Variants in CD2AP observed in about 807,000 individuals in gnomAD.
CD2AP encodes the protein CD2 associated protein.
Under a neutral mutation model 85.1 loss-of-function variants are expected in CD2AP, and 46 were observed. That is an observed-to-expected ratio of 0.54 (90% CI 0.43 to 0.69). The LOEUF (loss-of-function observed/expected upper bound fraction) is 0.69, where lower values mean the gene tolerates loss of function less well. Among genes scored for constraint, CD2AP ranks in the 30% least tolerant of loss-of-function variants. The pLI is 0.00. For missense variants in CD2AP, 769 were observed against 729.5 expected (o/e 1.05, Z -0.62); for synonymous variants, 255 against 252.9 (o/e 1.01, Z -0.08).
intron 17 of CD2AP, among the ~76,000 whole-genome samples, chr6:47,619,232 C>T (rs984330178): frequency 6.6e-6 from 1 of 152,320 alleles, no homozygotes. Context: ...CCTTCCCACT[C>T]TTCAACTCAA....
chr6:47,545,109 A>G (rs1767330112), intron 4 of CD2AP: 1 of 179,866 alleles, frequency 5.6e-6, no homozygotes, highest in Admixed American at 5.7e-5. Flanking sequence ...CTATATTTTG[A>G]TATCTTAGAA....
At chr6:47,559,616 T>G (rs1435933000) in intron 5 of CD2AP, among the ~76,000 whole-genome samples, 1 of 152,172 alleles carries the variant, frequency 6.6e-6, no homozygotes, top group African/African-American at 2.4e-5. Context: ...ATGATTCTAT[T>G]AAACATAATT....
intron 8 of CD2AP, among the ~76,000 whole-genome samples, chr6:47,579,088 CT>C (rs1768391478): frequency 6.6e-6 from 1 of 152,116 alleles, no homozygotes; most frequent in Non-Finnish European, 1.5e-5. Flanking sequence ...GAAATATTTT[CT>C]TTTAGGACAG....
In CD2AP at chr6:47,625,817, AG is replaced by A. The variant is rs1769893307; in HGVS notation, c.*1594del. 6.6e-6 allele frequency: 1 copy of A among 151,810 alleles called. No homozygotes were observed. Among genetic ancestry groups the A allele is most frequent in the Admixed American group, 6.6e-5 (1 of 15,242 alleles). The allele number at this position is 151,810 out of a possible 1,614,324, so 9.4% of individuals were successfully genotyped here. The stretch of plus-strand genomic sequence containing the variant: ...TAATGTTTAATTTACAACTTACATT[AG>A]GGGTTTGGGGGAATGCTAATTATAT... On this transcript the variant is annotated 3_prime_UTR_variant, in exon 18 of 18. Coordinates refer to ENST00000359314, the MANE Select transcript of CD2AP (RefSeq NM_012120.3).
intron 13 of CD2AP, among the ~76,000 whole-genome samples, chr6:47,600,707 T>C (rs1374953153): frequency 2.6e-5 from 4 of 151,992 alleles, no homozygotes; most frequent in Non-Finnish European, 5.9e-5. Flanking sequence ...AAAAGAATCC[T>C]CATGTTTTAA....
chr6:47,624,721 G>GTGTATA lies in CD2AP; in HGVS notation c.*495_*496insGTATAT, dbSNP rs886061525. On this transcript the variant is annotated 3_prime_UTR_variant, in exon 18 of 18. Coordinates refer to ENST00000359314, the MANE Select transcript of CD2AP (RefSeq NM_012120.3). ...TGTGTGTGTGTGTGTGTGTGTGTGT[G>GTGTATA]TATATATATATATATATTTTTACTT... 13 of 120,084 alleles carry GTGTATA rather than the reference G, an allele frequency of 1.1e-4. No individual in the cohort carries two copies. The highest frequency in any genetic ancestry group is 3.9e-4 in the African/African-American group (13 of 33,250). The allele number at this position is 120,084 out of a possible 1,614,324, so 7.4% of individuals were successfully genotyped here.
chr6:47,535,014 C>G (rs1391616597), intron 3 of CD2AP, among the ~76,000 whole-genome samples: 1 of 152,092 alleles, frequency 6.6e-6, no homozygotes, highest in Non-Finnish European at 1.5e-5. Flanking sequence ...CTGAGCTGTT[C>G]TTGAACTCCC....
Position 47,595,906 on chromosome 6 carries a change from C to T in CD2AP, c.1154C>T (p.Pro385Leu). The change falls in exon 12 of 18, where the codon CCA becomes CTA. Residue 385 changes from proline to leucine, a missense_variant. By Grantham distance (98) the Pro-to-Leu change is moderately conservative. Coordinates refer to ENST00000359314, the MANE Select transcript of CD2AP (RefSeq NM_012120.3). ...LEQKPSKPAA[P>L]QVPPKKPTPP... ...CAGAAACCTTCTAAACCAGCAGCTC[C>T]ACAAGTCCCACCCAAGAAACCTACT... is the stretch of plus-strand genomic sequence containing the variant. 1 of 1,612,832 alleles carries T rather than the reference C, an allele frequency of 6.2e-7. No individual in the cohort carries two copies. Among genetic ancestry groups the T allele is most frequent in the Admixed American group, 1.7e-5 (1 of 59,940 alleles).
chr6:47,592,743 T>C (rs1348506527), intron 11 of CD2AP, among the ~76,000 whole-genome samples: 3 of 152,070 alleles, frequency 2.0e-5, no homozygotes, highest in Non-Finnish European at 4.4e-5. Flanking sequence ...GTGAACACAT[T>C]GAGGGGATAG....
At chr6:47,495,463 C>T (rs188167024) in intron 1 of CD2AP, among the ~76,000 whole-genome samples, 65 of 152,230 alleles carry the variant, frequency 4.3e-4, no homozygotes, top group African/African-American at 1.3e-3. Flanking sequence ...TCTCGCCTCC[C>T]GAAAGAGGAG....
intron 9 of CD2AP, 50 bp from the exon 10 acceptor site, chr6:47,580,814 A>G: frequency 1.6e-6 from 2 of 1,288,416 alleles, no homozygotes; most frequent in South Asian, 1.2e-5. Context: ...TATTTTAACT[A>G]TATTTGATAT....
chr6:47,588,711 A>C (rs575284881), intron 11 of CD2AP, among the ~76,000 whole-genome samples: 1 of 152,114 alleles, frequency 6.6e-6, no homozygotes, highest in East Asian at 1.9e-4. Flanking sequence ...ATATCTTTCC[A>C]TTCTGCCATC....
At chr6:47,622,987 A>G (rs977518183) in intron 17 of CD2AP, among the ~76,000 whole-genome samples, 1 of 152,060 alleles carries the variant, frequency 6.6e-6, no homozygotes, top group Non-Finnish European at 1.5e-5. Flanking sequence ...TGTTTTTCTT[A>G]CCGCTTTCTG....
intron 17 of CD2AP, among the ~76,000 whole-genome samples, chr6:47,622,693 G>GT (rs1203891562): frequency 6.6e-6 from 1 of 152,206 alleles, no homozygotes; most frequent in Non-Finnish European, 1.5e-5. Context: ...TATTTGGGGT[G>GT]TTTCCCAGGT....
Position 47,544,685 on chromosome 6 carries a change from T to C in CD2AP, c.399T>C (p.Asp133=), listed in dbSNP as rs780759079. The change falls in exon 4 of 18, where the codon GAT becomes GAC. Residue 133 remains aspartate, a synonymous_variant. Transcript: ENST00000359314. The part of the protein sequence containing the change: ...NEDELELKVG[D]IIDINEEVEE... ...ATGAACTGGAGCTGAAAGTGGGAGA[T>C]ATTATTGATATTAATGAAGAGGTAA... The C allele has an allele frequency of 6.2e-7, 1 of 1,607,182 alleles. No homozygotes were observed. Among genetic ancestry groups the C allele is most frequent in the South Asian group, 1.1e-5 (1 of 90,928 alleles).
intron 1 of CD2AP, among the ~76,000 whole-genome samples, chr6:47,483,289 A>G (rs746211561): frequency 1.3e-5 from 2 of 152,206 alleles, no homozygotes; most frequent in Non-Finnish European, 2.9e-5. Flanking sequence ...ATGTGCCTAC[A>G]GTCAGCTTGT....
intron 5 of CD2AP, among the ~76,000 whole-genome samples, chr6:47,563,235 G>T (rs536048829): frequency 6.6e-6 from 1 of 152,282 alleles, no homozygotes; most frequent in Admixed American, 6.5e-5. Flanking sequence ...TCTCTAGGGG[G>T]AAGACAAATG....
At chr6:47,573,945 G>GT (rs1408041534) in intron 5 of CD2AP, 119 bp from the exon 6 acceptor site, 2 of 899,902 alleles carry the variant, frequency 2.2e-6, no homozygotes, top group Non-Finnish European at 3.7e-6. Context: ...GTACTGAATA[G>GT]TTTAATTTTT....
At chr6:47,554,798 T>A (rs1329672447) in intron 5 of CD2AP, 32 bp downstream of exon 5, 3 of 1,551,126 alleles carry the variant, frequency 1.9e-6, no homozygotes, top group Non-Finnish European at 8.8e-7. Context: ...TTAATTGATT[T>A]AAATAAACTT....
Sources: allele counts gnomAD v4.1 joint callset (sites outside exome capture counted in the v4.1 genomes callset), GRCh38; gene constraint gnomAD v4.1.1; transcripts MANE v1.5; gene names NCBI Gene and HGNC (gene_info 2026-07-23, HGNC 2026-07-21).